The following LHFPL3 variants were observed in gnomAD, a reference collection of about 807,000 sequenced individuals.
LHFPL3 encodes the protein LHFPL tetraspan subfamily member 3, also known as LHFPL tetraspan subfamily member 3 protein.
A neutral mutation model predicts 19.3 loss-of-function variants in LHFPL3; 5 were observed. The ratio of observed to expected loss-of-function variants is 0.26; its 90% CI spans 0.14 to 0.54. The LOEUF is 0.54. Ranked by LOEUF, LHFPL3 falls within the 20% of genes least tolerant of loss-of-function variation. The pLI is 0.94. For missense variants in LHFPL3, 249 were observed against 307.4 expected, an observed-to-expected ratio of 0.81 and a Z score of 1.42; for synonymous variants, 133 against 126.2, an observed-to-expected ratio of 1.05 and a Z score of -0.36.
chr7:104,467,946 TA>T (rs1792825234), intron 1 of LHFPL3, among the ~76,000 whole-genome samples: 1 of 152,208 alleles, frequency 6.6e-6, no homozygotes, highest in East Asian at 1.9e-4. Context: ...GCCTTCCCAT[TA>T]CGTTAGAAGT....
intron 2 of LHFPL3, among the ~76,000 whole-genome samples, chr7:104,885,772 C>T (rs1012138825): frequency 6.6e-6 from 1 of 151,936 alleles, no homozygotes; most frequent in South Asian, 2.1e-4. Flanking sequence ...TTCTCATCAC[C>T]CCCCTCCCCT....
intron 2 of LHFPL3, among the ~76,000 whole-genome samples, chr7:104,740,648 G>A (rs765104941): frequency 2.6e-4 from 40 of 152,324 alleles, no homozygotes; most frequent in African/African-American, 9.4e-4. Context: ...GCAGGCAAGA[G>A]CTTATGCAGG....
intron 1 of LHFPL3, among the ~76,000 whole-genome samples, chr7:104,563,627 A>G (rs1252188605): frequency 1.3e-5 from 2 of 152,268 alleles, no homozygotes; most frequent in Admixed American, 6.5e-5. Flanking sequence ...ATGGAAATGC[A>G]GAAATCACCC....
chr7:104,650,406 T>C (rs1792010473), intron 1 of LHFPL3, among the ~76,000 whole-genome samples: 1 of 152,190 alleles, frequency 6.6e-6, no homozygotes, highest in Non-Finnish European at 1.5e-5. Context: ...TAGAAATCAT[T>C]GTTCCTCACT....
chr7:104,572,318 T>C (rs1014818172), intron 1 of LHFPL3, among the ~76,000 whole-genome samples: 3 of 152,196 alleles, frequency 2.0e-5, no homozygotes, highest in Non-Finnish European at 2.9e-5. Context: ...GGCTTATCTG[T>C]GGTTAGCCTT....
intron 2 of LHFPL3, among the ~76,000 whole-genome samples, chr7:104,756,191 C>A (rs1207106912): frequency 1.3e-5 from 2 of 152,094 alleles, no homozygotes; most frequent in African/African-American, 4.8e-5. Context: ...CAATCCAAAG[C>A]AAATGAGAAG....
chr7:104,329,837 G>C (rs1801536617), intron 1 of LHFPL3, among the ~76,000 whole-genome samples: 2 of 152,186 alleles, frequency 1.3e-5, no homozygotes, highest in African/African-American at 4.8e-5. Context: ...ATGTAGCTTA[G>C]AACATTCTTT....
Position 104,731,718 on chromosome 7 carries a change from T to C in LHFPL3, c.446-4957T>C, listed in dbSNP as rs376145792. On this transcript the variant is annotated intron_variant, in intron 1 of 2. Transcript: ENST00000424859. ...TTCCTAATTGAATACCCTTTATTTC[T>C]TTCTCCTGCCTGATTGCCCTGGCCA... Among the ~76,000 whole-genome samples, 179 of 151,740 alleles carry C rather than the reference T, an allele frequency of 1.2e-3. 2 individuals are homozygous for C. In the East Asian group the frequency reaches 0.019, roughly 16 times the overall value.
chr7:104,587,095 T>A (rs1790595016), intron 1 of LHFPL3, among the ~76,000 whole-genome samples: 1 of 152,010 alleles, frequency 6.6e-6, no homozygotes, highest in Admixed American at 6.6e-5. Flanking sequence ...ATTTAGCCTG[T>A]TTTTTTATAT....
intron 2 of LHFPL3, among the ~76,000 whole-genome samples, chr7:104,770,053 G>A (rs1159461319): frequency 5.3e-5 from 8 of 151,958 alleles, no homozygotes; most frequent in Non-Finnish European, 8.8e-5. Context: ...AAGAAAAAGG[G>A]TTTCTCCCAA....
chr7:104,559,669 T>G (rs1323287609), intron 1 of LHFPL3, among the ~76,000 whole-genome samples: 2 of 152,180 alleles, frequency 1.3e-5, no homozygotes, highest in African/African-American at 4.8e-5. Flanking sequence ...GAATACCCTT[T>G]ATTTCCTTCT....
chr7:104,622,161 G>A (rs1584445134), intron 1 of LHFPL3, among the ~76,000 whole-genome samples: 2 of 152,202 alleles, frequency 1.3e-5, no homozygotes, highest in East Asian at 3.9e-4. Context: ...GAGTGCAGAG[G>A]CCTAATCATG....
intron 1 of LHFPL3, among the ~76,000 whole-genome samples, chr7:104,451,514 T>TA (rs1402565551): frequency 3.9e-5 from 6 of 152,118 alleles, no homozygotes; most frequent in Non-Finnish European, 7.4e-5. Flanking sequence ...GTAATATACA[T>TA]AAAAACGATC....
chr7:104,866,099 C>T (rs1221666299), intron 2 of LHFPL3, among the ~76,000 whole-genome samples: 4 of 152,274 alleles, frequency 2.6e-5, no homozygotes, highest in South Asian at 2.1e-4. Flanking sequence ...GAGAAACAAG[C>T]GGTCCCAGCC....
chr7:104,860,209 C>T (rs1372835129), intron 2 of LHFPL3, among the ~76,000 whole-genome samples: 3 of 151,042 alleles, frequency 2.0e-5, no homozygotes, highest in Non-Finnish European at 4.4e-5. Context: ...CACACACACG[C>T]ATACCTCAAA....
chr7:104,701,642 A>G (rs1179983347), intron 1 of LHFPL3, among the ~76,000 whole-genome samples: 1 of 152,172 alleles, frequency 6.6e-6, no homozygotes, highest in Non-Finnish European at 1.5e-5. Flanking sequence ...GGCGTAAGAA[A>G]GTTCATGTAT....
chr7:104,667,265 G>GTGGA lies in LHFPL3; in HGVS notation c.446-69410_446-69409insTGGA, dbSNP rs1554422208. 5.8e-4 allele frequency among the ~76,000 whole-genome samples: 30 copies of GTGGA among 52,090 alleles called. No homozygotes were observed. In the South Asian group the frequency reaches 0.025, roughly 44 times the overall value. 34.2% of individuals were successfully genotyped at this position (52,090 alleles called of 152,430 possible). On this transcript the variant is annotated intron_variant, in intron 1 of 2. Coordinates refer to ENST00000424859, the MANE Select transcript of LHFPL3 (RefSeq NM_199000.3). ...CCCTCCTACAATCATCTGTTTTCTT[G>GTGGA]GGGGGGGGAATCTTTAATTGGCTTA...
At chr7:104,336,041 A>G (rs1216523060) in intron 1 of LHFPL3, among the ~76,000 whole-genome samples, 1 of 152,144 alleles carries the variant, frequency 6.6e-6, no homozygotes, top group Non-Finnish European at 1.5e-5. Flanking sequence ...ATCTCGTGAT[A>G]ACTGGACTAG....
intron 1 of LHFPL3, among the ~76,000 whole-genome samples, chr7:104,442,284 A>G (rs1729152273): frequency 6.6e-6 from 1 of 151,076 alleles, no homozygotes; most frequent in South Asian, 2.1e-4. Context: ...TTCCTTATAT[A>G]TTTTGGATAT....
Sources: allele counts gnomAD v4.1 joint callset (sites outside exome capture counted in the v4.1 genomes callset), GRCh38; gene constraint gnomAD v4.1.1; transcripts MANE v1.5; gene names NCBI Gene and HGNC (gene_info 2026-07-23, HGNC 2026-07-21).